Variants in KLHL25 observed in about 807,000 individuals in gnomAD.
KLHL25 encodes kelch like family member 25.
KLHL25 carries 41 observed loss-of-function variants against 30.0 expected under a neutral mutation model. The ratio of observed to expected loss-of-function variants is 1.37; its 90% CI spans 1.07 to 1.78. KLHL25 has a LOEUF of 1.78. Among genes scored for constraint, KLHL25 ranks in the 40% most tolerant of loss-of-function variants. KLHL25 has a pLI of 0.00. For missense variants in KLHL25, 971 were observed against 824.5 expected (o/e 1.18, Z -2.18); for synonymous variants, 399 against 355.3 (o/e 1.12, Z -1.38).
chr15:85,768,068 G>A lies in KLHL25; in HGVS notation c.1743C>T (p.Val581=). Residue 581 remains valine (V), a synonymous_variant, in exon 2 of 3, where the codon GTC becomes GTT. Transcript: ENST00000337975. ...ACGCGGGCAGGTGCTTCCAGGTGCT[G>A]ACAAAGGCCGTGGGGATAAGTGAGT... ...VPYSLIPTAF[V]STWKHLPA The A allele has an allele frequency of 6.2e-7, 1 of 1,613,054 alleles. No homozygotes were observed. Among genetic ancestry groups the A allele is most frequent in the South Asian group, 1.1e-5 (1 of 91,048 alleles).
At chr15:85,791,208 G>A (rs2946367) in intron 1 of KLHL25, among the ~76,000 whole-genome samples, 69,293 of 128,868 alleles carry the variant, frequency 0.54, 18,247 homozygotes, top group South Asian at 0.64. Context: ...AAAAAAAAAA[G>A]AAAAATGCCA....
chr15:85,777,248 A>G (rs1157088423), intron 1 of KLHL25, among the ~76,000 whole-genome samples: 7 of 152,232 alleles, frequency 4.6e-5, no homozygotes, highest in African/African-American at 1.7e-4. Flanking sequence ...AATAGCTCCC[A>G]GCCAATGCTC....
At chr15:85,772,067 C>G (rs928599362) in intron 1 of KLHL25, among the ~76,000 whole-genome samples, 6 of 152,192 alleles carry the variant, frequency 3.9e-5, no homozygotes, top group Non-Finnish European at 8.8e-5. Context: ...TTTCCTCACT[C>G]CAGACCACCC....
intron 1 of KLHL25, among the ~76,000 whole-genome samples, chr15:85,776,934 AAAT>A (rs2089713196): frequency 6.7e-6 from 1 of 150,008 alleles, no homozygotes; most frequent in African/African-American, 2.5e-5. Context: ...CAAAAAAAAT[AAAT>A]AAATAAATAA....
At position 85,769,189 on chromosome 15, in the gene KLHL25, G is replaced by C. The variant is rs138234891; in HGVS notation, c.622C>G (p.Arg208Gly). The C allele has an allele frequency of 6.2e-7, 1 of 1,613,538 alleles. No individual in the cohort carries two copies. The highest frequency in any genetic ancestry group is 8.5e-7 in the Non-Finnish European group (1 of 1,179,992). Residue 208 changes from arginine (R) to glycine (G), a missense_variant, in exon 2 of 3, where the codon CGG becomes GGG. Arg to Gly is a moderately radical substitution (Grantham distance 125). Transcript: ENST00000337975. ...SSDELETEDE[R>G]VVFEAILQWV... ...TGGAGGATGGCCTCGAAGACCACCC[G>C]CTCGTCCTCGGTCTCCAGCTCATCA...
At chr15:85,791,813 T>C (rs1729348268) in intron 1 of KLHL25, among the ~76,000 whole-genome samples, 1 of 152,164 alleles carries the variant, frequency 6.6e-6, no homozygotes, top group South Asian at 2.1e-4. Flanking sequence ...ACCTTCACCA[T>C]ACCCCTGAAA....
At position 85,768,910 on chromosome 15, in the gene KLHL25, C is replaced by G. The variant is rs752494454; in HGVS notation, c.901G>C (p.Gly301Arg). ...TTGTCACACATGAAGGTCTGGCCCC[C>G]CAGGATGAGTAGCGTGTGGCCCGCC... ...RKAGHTLLIL[G>R]GQTFMCDKIY... The change falls in exon 2 of 3, where the codon GGG becomes CGG. Residue 301 changes from glycine to arginine, a missense_variant. Coordinates refer to ENST00000337975, the MANE Select transcript of KLHL25 (RefSeq NM_022480.4). The G allele has an allele frequency of 3.7e-6, 6 of 1,613,234 alleles. No homozygotes were observed. Among genetic ancestry groups the G allele is most frequent in the South Asian group, 3.3e-5 (3 of 91,094 alleles).
At chr15:85,784,091 G>C (rs574327057) in intron 1 of KLHL25, among the ~76,000 whole-genome samples, 19 of 152,298 alleles carry the variant, frequency 1.2e-4, no homozygotes, top group African/African-American at 4.6e-4. Flanking sequence ...CATGGATGTC[G>C]ACCTGATTCC....
intron 2 of KLHL25, chr15:85,764,152 G>A (rs1338360859): frequency 6.6e-6 from 1 of 152,340 alleles, no homozygotes; most frequent in South Asian, 2.1e-4. Context: ...GGGAAGGCCA[G>A]GCATGCCCGG....
chr15:85,791,026 C>A (rs574529447), intron 1 of KLHL25, among the ~76,000 whole-genome samples: 2 of 151,476 alleles, frequency 1.3e-5, no homozygotes, highest in African/African-American at 2.4e-5. Flanking sequence ...ATGGTGAAAC[C>A]CTGTCTCTAC....
intron 1 of KLHL25, among the ~76,000 whole-genome samples, chr15:85,770,322 A>G (rs1310999891): frequency 6.6e-6 from 1 of 152,208 alleles, no homozygotes; most frequent in Non-Finnish European, 1.5e-5. Flanking sequence ...GGATTCTCAC[A>G]TGGGCTGTCC....
intron 1 of KLHL25, among the ~76,000 whole-genome samples, chr15:85,776,319 T>C (rs1274751050): frequency 6.6e-6 from 1 of 151,756 alleles, no homozygotes; most frequent in Non-Finnish European, 1.5e-5. Context: ...TGAAACCCCA[T>C]CTCTACTAAA....
chr15:85,786,314 G>A (rs1215283984), intron 1 of KLHL25, among the ~76,000 whole-genome samples: 1 of 152,176 alleles, frequency 6.6e-6, no homozygotes, highest in East Asian at 1.9e-4. Context: ...GGCAGCAGGG[G>A]AGTCATGGCC....
chr15:85,769,811 G>A lies in KLHL25; in HGVS notation c.-1C>T, dbSNP rs2089658495. The A allele has an allele frequency of 6.2e-7, 1 of 1,603,788 alleles. No homozygotes were observed. Among genetic ancestry groups the A allele is most frequent in the Admixed American group, 1.7e-5 (1 of 59,928 alleles). On this transcript the variant is annotated 5_prime_UTR_variant, in exon 2 of 3. Coordinates refer to ENST00000337975, the MANE Select transcript of KLHL25 (RefSeq NM_022480.4). ...GGGTCTCATGGACACTGACCGACATGGTGCGTCAGCTTGTGGGGGAACAAG... is the reference window on the plus strand; with the variant it reads ...GGGTCTCATGGACACTGACCGACATAGTGCGTCAGCTTGTGGGGGAACAAG...
chr15:85,784,390 GCTTGGTGGCACACA>G (rs1322500569), intron 1 of KLHL25, among the ~76,000 whole-genome samples: 3 of 152,116 alleles, frequency 2.0e-5, no homozygotes, highest in African/African-American at 7.2e-5. Context: ...AATTAGCCAG[GCTTGGTGGCACACA>G]CCTGTAATCC....
chr15:85,779,770 G>A (rs1486596873), intron 1 of KLHL25, among the ~76,000 whole-genome samples: 10 of 152,188 alleles, frequency 6.6e-5, no homozygotes, highest in Non-Finnish European at 1.5e-4. Flanking sequence ...GAGCCCTCAG[G>A]AACCTTAGTC....
rs200361888 is a variant in KLHL25 at position 85,759,981 on chromosome 15, A to C, written c.*1055T>G. 6.6e-6 allele frequency: 1 copy of C among 152,170 alleles called. No homozygotes were observed. The highest frequency in any genetic ancestry group is 1.5e-5 in the Non-Finnish European group (1 of 68,036). 9.4% of individuals were successfully genotyped at this position (152,170 alleles called of 1,614,324 possible). ...ACTCAGGAGGTGACAGCAATGAACAAATGTTCAGCAGTTCTCTCGGGGCCA... is the reference window on the plus strand; with the variant it reads ...ACTCAGGAGGTGACAGCAATGAACACATGTTCAGCAGTTCTCTCGGGGCCA... On this transcript the variant is annotated 3_prime_UTR_variant, in exon 3 of 3. Transcript: ENST00000337975.
At chr15:85,766,247 CA>C (rs1481579512) in intron 2 of KLHL25, among the ~76,000 whole-genome samples, 1 of 152,254 alleles carries the variant, frequency 6.6e-6, no homozygotes, top group Non-Finnish European at 1.5e-5. Context: ...CTCCCTCCGG[CA>C]GGACAGCTCA....
intron 1 of KLHL25, among the ~76,000 whole-genome samples, chr15:85,790,236 G>A (rs1021240597): frequency 3.3e-5 from 5 of 152,194 alleles, no homozygotes; most frequent in African/African-American, 9.7e-5. Context: ...TTACAGGCAT[G>A]AGCCACCACA....
Sources: gnomAD v4.1 joint callset for allele counts (sites outside exome capture counted in the v4.1 genomes callset) on GRCh38, gnomAD v4.1.1 for gene constraint, MANE v1.5 for transcripts, NCBI Gene and HGNC (gene_info 2026-07-23, HGNC 2026-07-21) for gene names.